The following APC variants were observed in gnomAD, a reference collection of about 807,000 sequenced individuals.
APC encodes the protein adenomatous polyposis coli protein.
Under a neutral mutation model 247.0 loss-of-function variants are expected in APC, and 72 were observed. The ratio of observed to expected loss-of-function variants is 0.29; its 90% confidence interval spans 0.24 to 0.35. The LOEUF is 0.35. Ranked by LOEUF, APC falls within the 10% of genes least tolerant of loss-of-function variation. APC has a pLI of 1.00. For synonymous variants in APC, 1,254 were observed against 1,162.5 expected (o/e 1.08, Z -1.60); for missense variants, 3,400 against 3,360.7 (o/e 1.01, Z -0.29).
At chr5:112,786,828 A>G (rs962584799) in intron 6 of APC, among the ~76,000 whole-genome samples, 1 of 150,784 alleles carries the variant, frequency 6.6e-6, no homozygotes, top group Non-Finnish European at 1.5e-5. Flanking sequence ...GTAAATATTT[A>G]GGTTTTGTGG....
rs1181054520 is a variant in APC, at chr5:112,806,361, G to A, written c.834+4978G>A. Among the ~76,000 whole-genome samples, 6 of 152,206 alleles carry A rather than the reference G, an allele frequency of 3.9e-5. No individual in the cohort carries two copies. The East Asian group carries it at 1.2e-3, about 29-fold the overall frequency. Reference sequence around the variant, plus strand: ...TTATTTTCATACCCACACAGTCCCTGATAAATAGTAGATAACAATAAATAT... The same window carrying A: ...TTATTTTCATACCCACACAGTCCCTAATAAATAGTAGATAACAATAAATAT... On this transcript the variant is annotated intron_variant, in intron 8 of 15. Coordinates refer to ENST00000257430, the MANE Select transcript of APC (RefSeq NM_000038.6).
In APC at chr5:112,844,735, GTAA is replaced by G; in HGVS notation, c.*614_*616del. ...TGATGTGCATAGAGATAGCTACAGTGTAATAATTTACACTATTTTGTGCTCCAA... is the reference window on the plus strand; with the variant it reads ...TGATGTGCATAGAGATAGCTACAGTGTAATTTACACTATTTTGTGCTCCAA... On this transcript the variant is annotated 3_prime_UTR_variant, in exon 16 of 16. Coordinates refer to ENST00000257430, the MANE Select transcript of APC (RefSeq NM_000038.6). The G allele has an allele frequency of 4.3e-6, 1 of 231,856 alleles. No individual in the cohort carries two copies. The highest frequency in any genetic ancestry group is 6.1e-5 in the East Asian group (1 of 16,292). 14.4% of individuals were successfully genotyped at this position (231,856 alleles called of 1,614,324 possible). A position where few individuals can be genotyped will look rare whatever the true frequency, so the allele number is the denominator to read the frequency against.
Position 112,840,851 on chromosome 5 carries a change from G to C in APC, c.5257G>C (p.Ala1753Pro), listed in dbSNP as rs587781350. ...AAAGATAATGGACCAGGTCCAGCAAGCATCTGCGTCTTCTTCTGCACCCAA... is the reference window on the plus strand; with the variant it reads ...AAAGATAATGGACCAGGTCCAGCAACCATCTGCGTCTTCTTCTGCACCCAA... ...VKKIMDQVQQ[A>P]SASSSAPNKN... Residue 1753 changes from alanine to proline, a missense_variant, in exon 16 of 16, where the codon GCA becomes CCA. Ala to Pro is a conservative substitution (Grantham distance 27). Transcript: ENST00000257430. This position sits in a 1 kb window ranked among gnomAD's most constrained non-coding sequence, Gnocchi z 4.1. 1.2e-5 allele frequency: 19 copies of C among 1,614,000 alleles called. No individual in the cohort carries two copies. The East Asian group carries it at 4.2e-4, about 36-fold the overall frequency.
intron 4 of APC, among the ~76,000 whole-genome samples, chr5:112,769,510 C>T (rs1194360754): frequency 1.6e-5 from 2 of 125,770 alleles, no homozygotes; most frequent in Non-Finnish European, 3.7e-5. Flanking sequence ...TTATCAGGAA[C>T]TTCGTCAAAT....
At chr5:112,768,448 T>C (rs944404804) in intron 4 of APC, among the ~76,000 whole-genome samples, 14 of 151,102 alleles carry the variant, frequency 9.3e-5, no homozygotes, top group South Asian at 2.1e-4. Flanking sequence ...AACTACTAGA[T>C]TCAGTAAAAG....
At chr5:112,789,238 T>C (rs928129083) in intron 6 of APC, among the ~76,000 whole-genome samples, 1 of 152,174 alleles carries the variant, frequency 6.6e-6, no homozygotes, top group Non-Finnish European at 1.5e-5. Flanking sequence ...AAAGAAATAC[T>C]TAGTGGTTAA....
intron 6 of APC, among the ~76,000 whole-genome samples, chr5:112,782,787 T>C (rs930321486): frequency 6.6e-6 from 1 of 152,142 alleles, no homozygotes; most frequent in Non-Finnish European, 1.5e-5. Context: ...GTATTAAAAT[T>C]AAGAATTTAT....
At chr5:112,741,694 G>A (rs1210841903) in intron 1 of APC, among the ~76,000 whole-genome samples, 1 of 151,924 alleles carries the variant, frequency 6.6e-6, no homozygotes, top group East Asian at 1.9e-4. Flanking sequence ...TCACATTGTT[G>A]TGCAACCATC....
Position 112,841,851 on chromosome 5 carries a change from C to G in APC, c.6257C>G (p.Pro2086Arg), listed in dbSNP as rs786202975. 3 of 1,613,800 alleles carry G rather than the reference C, an allele frequency of 1.9e-6. No individual in the cohort carries two copies. The highest frequency in any genetic ancestry group is 1.3e-5 in the African/African-American group (1 of 75,016). ...LTLDLKDIQR[P>R]DSEHGLSPDS... is the part of the protein sequence containing the mutation. Reference sequence around the variant, plus strand: ...CTTGATTTGAAAGATATACAGAGACCAGATTCAGAACATGGTCTATCCCCT... The same window carrying G: ...CTTGATTTGAAAGATATACAGAGACGAGATTCAGAACATGGTCTATCCCCT... The change falls in exon 16 of 16, where the codon CCA (proline) becomes CGA (arginine). Residue 2086 changes from proline (P) to arginine (R), a missense_variant. Around this residue, in one of 9 missense-constraint regions of APC, gnomAD observed 1,788 missense variants for 1,649.5 expected, o/e 1.08. Transcript: ENST00000257430. This position sits in a 1 kb window ranked among gnomAD's most constrained non-coding sequence, Gnocchi z 4.6.
At position 112,839,554 on chromosome 5, in the gene APC, G is replaced by T; in HGVS notation, c.3960G>T (p.Val1320=). Residue 1320 remains valine, a synonymous_variant, in exon 16 of 16, where the codon GTG becomes GTT. Transcript: ENST00000257430. The surrounding 1 kb of genome is among the most constrained non-coding windows in gnomAD (Gnocchi z 5.0). ...GAACTAGGTCAGCTGAAGATCCTGT[G>T]AGCGAAGTTCCAGCAGTGTCACAGC... is the stretch of plus-strand genomic sequence containing the variant. ...KIGTRSAEDP[V]SEVPAVSQHP... 6.2e-7 allele frequency: 1 copy of T among 1,614,190 alleles called. No homozygotes were observed. The highest frequency in any genetic ancestry group is 8.5e-7 in the Non-Finnish European group (1 of 1,180,038).
chr5:112,771,031 C>T (rs1277442044), intron 4 of APC, among the ~76,000 whole-genome samples: 2 of 151,752 alleles, frequency 1.3e-5, no homozygotes, highest in Non-Finnish European at 2.9e-5. Context: ...TTTTTTTATT[C>T]TGTAAATTAA....
At chr5:112,786,508 G>A (rs571249868) in intron 6 of APC, among the ~76,000 whole-genome samples, 6 of 152,280 alleles carry the variant, frequency 3.9e-5, no homozygotes, top group Admixed American at 3.9e-4. Flanking sequence ...AGCAAAGGTT[G>A]GAAAAGTGCA....
In APC at chr5:112,754,777, G is replaced by A. The variant is rs979278910; in HGVS notation, c.-18-96G>A. 44 of 1,149,776 alleles carry A rather than the reference G, an allele frequency of 3.8e-5. No individual in the cohort carries two copies. In the Middle Eastern group the frequency reaches 1.1e-3, roughly 29 times the overall value. The allele number at this position is 1,149,776 out of a possible 1,614,324, so 71.2% of individuals were successfully genotyped here. ...CATATTAACACAATTCTTCTTAAAC[G>A]TCTTAAGAGTTTTGTTTCCTTTACC... On this transcript the variant is annotated intron_variant, in intron 1 of 15. Transcript: ENST00000257430.
intron 14 of APC, 91 bp downstream of exon 14, chr5:112,829,063 T>G: frequency 1.1e-6 from 1 of 899,346 alleles, no homozygotes; most frequent in Non-Finnish European, 1.9e-6. Context: ...TCCTAATTTC[T>G]TACCTGTGTA....
upstream of APC, among the ~76,000 whole-genome samples, chr5:112,735,521 A>G (rs202009319): frequency 2.0e-3 from 289 of 147,238 alleles, no homozygotes; most frequent in Admixed American, 3.2e-3. Flanking sequence ...ATATATATGT[A>G]TATGTAGTGT....
chr5:112,741,936 T>A (rs1380874166), intron 1 of APC, among the ~76,000 whole-genome samples: 1 of 152,236 alleles, frequency 6.6e-6, no homozygotes, highest in African/African-American at 2.4e-5. Context: ...TCATCCATAC[T>A]GTAGCCATGT....
At chr5:112,796,957 C>T (rs1408446726) in intron 7 of APC, among the ~76,000 whole-genome samples, 2 of 151,682 alleles carry the variant, frequency 1.3e-5, no homozygotes, top group African/African-American at 4.8e-5. Context: ...TATAAAATAG[C>T]CCTCTATTTT....
chr5:112,791,727 A>G (rs932967741), intron 6 of APC, among the ~76,000 whole-genome samples: 1 of 152,316 alleles, frequency 6.6e-6, no homozygotes, highest in African/African-American at 2.4e-5. Context: ...CTATGTTTAT[A>G]TAAATTTATT....
intron 1 of APC, among the ~76,000 whole-genome samples, chr5:112,727,728 T>C (rs557780829): frequency 6.6e-6 from 1 of 152,282 alleles, no homozygotes; most frequent in East Asian, 1.9e-4. Flanking sequence ...TGAATCCACA[T>C]GCATAAGCAT....
Sources: gnomAD v4.1 joint callset for allele counts (sites outside exome capture counted in the v4.1 genomes callset) on GRCh38, gnomAD v4.1.1 for gene constraint, gnomAD v4.1.1 regional missense constraint, Gnocchi (gnomAD v3.1) non-coding constraint, MANE v1.5 for transcripts, NCBI Gene and HGNC (gene_info 2026-07-23, HGNC 2026-07-21) for gene names.